The following GRIP2 variants were observed in gnomAD, a reference collection of about 807,000 sequenced individuals.
The protein encoded by GRIP2 is glutamate receptor interacting protein 2, also known as glutamate receptor-interacting protein 2.
In GRIP2, 58 loss-of-function variants were observed where a neutral mutation model predicts 108.3. The ratio of observed to expected loss-of-function variants is 0.54; its 90% CI spans 0.43 to 0.67. The LOEUF (loss-of-function observed/expected upper bound fraction) is 0.67, where lower values mean the gene tolerates loss of function less well. Among genes scored for constraint, GRIP2 ranks in the 30% least tolerant of loss-of-function variants. GRIP2 has a pLI of 0.00. For synonymous variants in GRIP2, 586 were observed against 598.2 expected (o/e 0.98, Z 0.30); for missense variants, 1,278 against 1,430.6 (o/e 0.89, Z 1.72).
At chr3:14,552,496 G>A (rs952282150) in intron 1 of GRIP2, among the ~76,000 whole-genome samples, 4 of 152,094 alleles carry the variant, frequency 2.6e-5, no homozygotes, top group Admixed American at 1.3e-4. Context: ...CTGCCTTGAC[G>A]TCTGTCGATT....
chr3:14,556,266 G>A (rs1695236036), upstream of GRIP2, among the ~76,000 whole-genome samples: 1 of 152,034 alleles, frequency 6.6e-6, no homozygotes, highest in African/African-American at 2.4e-5. Flanking sequence ...TGCTCACCTG[G>A]CCCACCCCAC....
chr3:14,509,935 A>G lies in GRIP2; in HGVS notation c.1963T>C (p.Tyr655His). ...CCGTAGCGCTTCAGCTCCACTGTGTAACTGACGGCACCTGTGGTCTCCAGC... is the reference window on the plus strand; with the variant it reads ...CCGTAGCGCTTCAGCTCCACTGTGTGACTGACGGCACCTGTGGTCTCCAGC... ...DELETTGAVSYTVELKRYGGP... is the reference protein window; with the variant it reads ...DELETTGAVSHTVELKRYGGP... The change falls in exon 17 of 24, where the codon TAC (tyrosine) becomes CAC (histidine). Residue 655 changes from tyrosine (Y) to histidine (H), a missense_variant. Physicochemically the swap from Tyr to His is moderately conservative, Grantham distance 83 (BLOSUM62 2). Transcript: ENST00000621039. 1 of 1,546,300 alleles carries G rather than the reference A, an allele frequency of 6.5e-7. No homozygotes were observed. The highest frequency in any genetic ancestry group is 8.7e-7 in the Non-Finnish European group (1 of 1,144,030).
At chr3:14,497,211 C>A (rs968940052) in intron 21 of GRIP2, among the ~76,000 whole-genome samples, 6 of 152,210 alleles carry the variant, frequency 3.9e-5, no homozygotes, top group Non-Finnish European at 8.8e-5. Context: ...ACATGATCCA[C>A]CCACCTCAGC....
upstream of GRIP2, among the ~76,000 whole-genome samples, chr3:14,544,497 T>C (rs147691813): frequency 6.6e-6 from 1 of 152,168 alleles, no homozygotes; most frequent in Non-Finnish European, 1.5e-5. Context: ...GCCTCCGTCC[T>C]TCATCTCTGA....
chr3:14,497,574 A>T (rs1023294370), intron 21 of GRIP2, among the ~76,000 whole-genome samples: 2 of 152,136 alleles, frequency 1.3e-5, no homozygotes, highest in African/African-American at 2.4e-5. Context: ...CGCCCTCTAG[A>T]CCACAGTAAG....
chr3:14,576,599 G>C, the GRIP2 span, among the ~76,000 whole-genome samples: 19 of 152,346 alleles, frequency 1.2e-4, no homozygotes, highest in Middle Eastern at 0.01. Flanking sequence ...ACCATAGAGA[G>C]CAAGTAATGA....
intron 9 of GRIP2, among the ~76,000 whole-genome samples, chr3:14,519,328 C>T (rs916494184): frequency 1.1e-4 from 16 of 152,198 alleles, no homozygotes; most frequent in African/African-American, 3.9e-4. Context: ...CAGACTCCTT[C>T]CTCACCCTCC....
At chr3:14,571,609 G>A in the GRIP2 span, among the ~76,000 whole-genome samples, 2 of 152,216 alleles carry the variant, frequency 1.3e-5, no homozygotes, top group African/African-American at 2.4e-5. Flanking sequence ...AAGTAAAGTG[G>A]TCATCGAGAA....
chr3:14,574,237 G>A, the GRIP2 span: 2 of 869,710 alleles, frequency 2.3e-6, no homozygotes, highest in Non-Finnish European at 3.9e-6. Context: ...TCGATCTGTC[G>A]CTTGACGAAG....
chr3:14,517,882 C>T lies in GRIP2; in HGVS notation c.1046G>A (p.Ser349Asn), dbSNP rs1464014653. The change falls in exon 10 of 24, where the codon AGT (serine) becomes AAT (asparagine). Residue 349 changes from serine (S) to asparagine (N), a missense_variant. Transcript: ENST00000621039. ...GGGGTCCCAGCGGTGCAGCTGCTCA[C>T]TCCTCTGCACTTTCACTGTAGCCAG... ...RPSEAVKVQR[S>N]EQLHRWDPCV... 3 of 1,573,724 alleles carry T rather than the reference C, an allele frequency of 1.9e-6. No individual in the cohort carries two copies. Among genetic ancestry groups the T allele is most frequent in the Non-Finnish European group, 2.6e-6 (3 of 1,159,226 alleles).
the GRIP2 span, among the ~76,000 whole-genome samples, chr3:14,601,464 A>G: frequency 1.3e-5 from 2 of 151,794 alleles, no homozygotes; most frequent in Admixed American, 6.5e-5. Flanking sequence ...TCCTCCCTCA[A>G]TCTCAAGGAA....
chr3:14,502,493 C>CAAAA (rs10641106), intron 21 of GRIP2, among the ~76,000 whole-genome samples: 1 of 126,640 alleles, frequency 7.9e-6, no homozygotes, highest in African/African-American at 2.8e-5. Flanking sequence ...GACTCTGTCT[C>CAAAA]AAAAAAAAAA....
At chr3:14,517,665 C>T in intron 10 of GRIP2, 107 bp downstream of exon 10, 3 of 1,414,382 alleles carry the variant, frequency 2.1e-6, no homozygotes, top group Non-Finnish European at 2.9e-6. Flanking sequence ...CCACACCCAG[C>T]TCACTAATCT....
chr3:14,579,392 A>G, the GRIP2 span, among the ~76,000 whole-genome samples: 1 of 152,218 alleles, frequency 6.6e-6, no homozygotes, highest in Non-Finnish European at 1.5e-5. Flanking sequence ...GTTTTACTGT[A>G]TATACATTAG....
intron 1 of GRIP2, among the ~76,000 whole-genome samples, chr3:14,552,573 C>A (rs935287825): frequency 2.6e-5 from 4 of 152,122 alleles, no homozygotes; most frequent in African/African-American, 9.7e-5. Context: ...CTTCCTCCAA[C>A]CCTACCTATG....
In GRIP2 at chr3:14,494,877, C is replaced by A. The variant is rs200074867; in HGVS notation, c.2936G>T (p.Arg979Leu). The A allele has an allele frequency of 9.5e-5, 154 of 1,613,820 alleles. 1 individual carries two copies. The South Asian group carries it at 1.6e-3, about 17-fold the overall frequency. The change falls in exon 23 of 24, where the codon CGT becomes CTT. Residue 979 changes from arginine to leucine, a missense_variant. Coordinates refer to ENST00000621039, the MANE Select transcript of GRIP2 (RefSeq NM_001080423.4). Reference sequence around the variant, plus strand: ...CCTGTCGAAGGGCTGGAGGCCTCCACGGTGGGCTGGCCCATCAGGGCGCAC... The same window carrying A: ...CCTGTCGAAGGGCTGGAGGCCTCCAAGGTGGGCTGGCCCATCAGGGCGCAC... ...HTVRPDGPAH[R>L]GGLQPFDRVL...
rs1694167042 is a variant in GRIP2, at chr3:14,513,743, T to C, written c.1561A>G (p.Met521Val). The stretch of plus-strand genomic sequence containing the variant: ...CGCAGGAGCTGGTTGGCTTCCTCCA[T>C]AGTCCCGTCCTCGGTGGCAATGCCA... ...INGIATEDGT[M>V]EEANQLLRDA... The change falls in exon 13 of 24, where the codon ATG (methionine) becomes GTG (valine). Residue 521 changes from methionine to valine, a missense_variant. Physicochemically the swap from Met to Val is conservative, Grantham distance 21. Coordinates refer to ENST00000621039, the MANE Select transcript of GRIP2 (RefSeq NM_001080423.4). 1 of 1,611,280 alleles carries C rather than the reference T, an allele frequency of 6.2e-7. No homozygotes were observed. The highest frequency in any genetic ancestry group is 8.5e-7 in the Non-Finnish European group (1 of 1,178,862).
At chr3:14,572,428 C>T in the GRIP2 span, among the ~76,000 whole-genome samples, 90,831 of 149,480 alleles carry the variant, frequency 0.61, 27,769 homozygotes, top group South Asian at 0.74. Flanking sequence ...CCGGCTAAAA[C>T]GGTGAAACCC....
chr3:14,572,999 G>A, the GRIP2 span: 3 of 1,478,014 alleles, frequency 2.0e-6, no homozygotes, highest in Non-Finnish European at 2.8e-6. Context: ...CCACCTGAAA[G>A]ATGATGATCA....
Sources: gnomAD v4.1 joint callset for allele counts (sites outside exome capture counted in the v4.1 genomes callset) on GRCh38, gnomAD v4.1.1 for gene constraint, MANE v1.5 for transcripts, NCBI Gene and HGNC (gene_info 2026-07-23, HGNC 2026-07-21) for gene names.